Variants in PLEKHA3 observed in about 807,000 individuals in gnomAD.
PLEKHA3 encodes pleckstrin homology domain-containing family A member 3.
PLEKHA3 carries 19 observed loss-of-function variants against 39.2 expected under a neutral mutation model. The ratio of observed to expected loss-of-function variants is 0.48; its 90% confidence interval spans 0.34 to 0.71. The LOEUF (loss-of-function observed/expected upper bound fraction) is 0.71. PLEKHA3 is among the 30% of genes least tolerant of loss of function. PLEKHA3 has a pLI of 0.01. For synonymous variants in PLEKHA3, 97 were observed against 118.6 expected (o/e 0.82, Z 1.18); for missense variants, 253 against 359.5 (o/e 0.70, Z 2.40).
At chr2:178,492,274 T>A (rs1685359703) in intron 3 of PLEKHA3, among the ~76,000 whole-genome samples, 1 of 151,930 alleles carries the variant, frequency 6.6e-6, no homozygotes, top group Non-Finnish European at 1.5e-5. Flanking sequence ...TTACAGAATA[T>A]AGCTACAGGT....
rs1294904918 is a variant in PLEKHA3 at position 178,512,371 on chromosome 2, AAT to A, written c.*8489_*8490del. 6.6e-6 allele frequency: 1 copy of A among 152,240 alleles called. No homozygotes were observed. Among genetic ancestry groups the A allele is most frequent in the East Asian group, 1.9e-4 (1 of 5,200 alleles). 9.4% of individuals were successfully genotyped at this position (152,240 alleles called of 1,614,324 possible). On this transcript the variant is annotated 3_prime_UTR_variant, in exon 8 of 8. Transcript: ENST00000234453. ...TAAATGAAGGGTTGTTTCCATGGGT[AAT>A]ATATTCAGAATATTAAAGATGAGTA...
At position 178,496,891 on chromosome 2, in the gene PLEKHA3, T is replaced by TG. The variant is rs201070051; in HGVS notation, c.615+1239dup. ...TTTTTTAATTTATTATTTGTAGAGATGGGGGGGGTCTCATTTTGTTGCCCA... is the reference window on the plus strand; with the variant it reads ...TTTTTTAATTTATTATTTGTAGAGATGGGGGGGGGTCTCATTTTGTTGCCCA... On this transcript the variant is annotated intron_variant, in intron 5 of 7. Transcript: ENST00000234453. Among the ~76,000 whole-genome samples, 528 of 151,478 alleles carry TG rather than the reference T, an allele frequency of 3.5e-3. 1 individual carries two copies. The highest frequency in any genetic ancestry group is 0.022 in the East Asian group (112 of 5,128).
At position 178,503,950 on chromosome 2, in the gene PLEKHA3, T is replaced by C. The variant is rs191909928; in HGVS notation, c.*63T>C. 7,290 of 1,582,526 alleles carry C rather than the reference T, an allele frequency of 4.6e-3. 19 individuals are homozygous for C. Among genetic ancestry groups the C allele is most frequent in the Non-Finnish European group, 5.8e-3 (6,679 of 1,155,974 alleles). On this transcript the variant is annotated 3_prime_UTR_variant, in exon 8 of 8. Coordinates refer to ENST00000234453, the MANE Select transcript of PLEKHA3 (RefSeq NM_019091.4). ...TGCAAAAGCTGCTGTAATTAAACTA[T>C]TGTTATAGGGAGTAGTTTTTTCCCT...
Position 178,506,347 on chromosome 2 carries a change from C to T in PLEKHA3, c.*2460C>T, listed in dbSNP as rs1057078062. On this transcript the variant is annotated 3_prime_UTR_variant, in exon 8 of 8. Transcript: ENST00000234453. ...TGCTTGCTCACTATTCTTTGGGAAT[C>T]GCAGGCCTCCATGACTAAAGGGATT... 39 of 152,112 alleles carry T rather than the reference C, an allele frequency of 2.6e-4. No homozygotes were observed. Among genetic ancestry groups the T allele is most frequent in the African/African-American group, 7.2e-4 (30 of 41,408 alleles). 9.4% of individuals were successfully genotyped at this position (152,112 alleles called of 1,614,324 possible).
chr2:178,513,983 C>G lies in PLEKHA3; in HGVS notation c.*10096C>G, dbSNP rs972998095. 1.3e-5 allele frequency: 2 copies of G among 152,176 alleles called. No individual in the cohort carries two copies. Among genetic ancestry groups the G allele is most frequent in the African/African-American group, 4.8e-5 (2 of 41,432 alleles). 9.4% of individuals were successfully genotyped at this position (152,176 alleles called of 1,614,324 possible). ...GGGTTGCTGGGTTATCCAAGTGATT[C>G]AGCATGCCTTCAGAATTGGCATCCT... is the stretch of plus-strand genomic sequence containing the variant. On this transcript the variant is annotated 3_prime_UTR_variant, in exon 8 of 8. Coordinates refer to ENST00000234453, the MANE Select transcript of PLEKHA3 (RefSeq NM_019091.4).
Position 178,507,658 on chromosome 2 carries a change from G to GTTTTTTTTTTTTTTTTTTTTTTTTTTT in PLEKHA3, c.*3781_*3807dup, listed in dbSNP as rs35052196. The GTTTTTTTTTTTTTTTTTTTTTTTTTTT allele has an allele frequency of 3.5e-5, 1 of 28,818 alleles. No homozygotes were observed. The highest frequency in any genetic ancestry group is 7.7e-4 in the East Asian group (1 of 1,298). The allele number at this position is 28,818 out of a possible 1,614,324, so 1.8% of individuals were successfully genotyped here. On this transcript the variant is annotated 3_prime_UTR_variant, in exon 8 of 8. Transcript: ENST00000234453. ...CCTTTAGTTTTTAGTCTCACATTAG[G>GTTTTTTTTTTTTTTTTTTTTTTTTTTT]TTTTTTTTTTTTTTTTTTTTTTTTT... is the stretch of plus-strand genomic sequence containing the variant.
At position 178,514,580 on chromosome 2, in the gene PLEKHA3, A is replaced by G. The variant is rs994146605; in HGVS notation, c.*10693A>G. The G allele has an allele frequency of 6.6e-6, 1 of 152,156 alleles. No homozygotes were observed. The highest frequency in any genetic ancestry group is 2.4e-5 in the African/African-American group (1 of 41,434). The allele number at this position is 152,156 out of a possible 1,614,324, so 9.4% of individuals were successfully genotyped here. A position where few individuals can be genotyped will look rare whatever the true frequency, so the allele number is the denominator to read the frequency against. ...ATTTAGGCTAAGTGCATATGTATGT[A>G]TAAGTAATGTGTATATCCTTCACTT... On this transcript the variant is annotated 3_prime_UTR_variant, in exon 8 of 8. Transcript: ENST00000234453.
intron 5 of PLEKHA3, among the ~76,000 whole-genome samples, chr2:178,496,309 G>C (rs1210801255): frequency 1.3e-5 from 2 of 152,140 alleles, no homozygotes; most frequent in Non-Finnish European, 2.9e-5. Context: ...TAATAAATTT[G>C]CTCTAGCATG....
chr2:178,500,857 C>G (rs1333700442), intron 6 of PLEKHA3, among the ~76,000 whole-genome samples: 1 of 152,016 alleles, frequency 6.6e-6, no homozygotes, highest in Non-Finnish European at 1.5e-5. Flanking sequence ...TAGTTCAGCT[C>G]AGAAGCCATA....
At chr2:178,484,187 C>T (rs1685213851) in intron 1 of PLEKHA3, among the ~76,000 whole-genome samples, 1 of 152,084 alleles carries the variant, frequency 6.6e-6, no homozygotes, top group African/African-American at 2.4e-5. Context: ...TTTGGTACCT[C>T]TTATGTGCCA....
At position 178,513,340 on chromosome 2, in the gene PLEKHA3, A is replaced by G. The variant is rs1685714737; in HGVS notation, c.*9453A>G. On this transcript the variant is annotated 3_prime_UTR_variant, in exon 8 of 8. Coordinates refer to ENST00000234453, the MANE Select transcript of PLEKHA3 (RefSeq NM_019091.4). The stretch of plus-strand genomic sequence containing the variant: ...CATTTTTATGATGCATCTGGTACTA[A>G]AGAAGGAGCTGGCTTTATGACCTTT... 6.6e-6 allele frequency: 1 copy of G among 152,118 alleles called. No individual in the cohort carries two copies. The highest frequency in any genetic ancestry group is 2.1e-4 in the South Asian group (1 of 4,828). The allele number at this position is 152,118 out of a possible 1,614,324, so 9.4% of individuals were successfully genotyped here.
chr2:178,496,399 A>G (rs952602950), intron 5 of PLEKHA3, among the ~76,000 whole-genome samples: 4 of 152,210 alleles, frequency 2.6e-5, no homozygotes, highest in African/African-American at 7.2e-5. Flanking sequence ...GAGTCCATTT[A>G]TAGGAGTAAG....
chr2:178,493,954 C>T lies in PLEKHA3; in HGVS notation c.415C>T (p.His139Tyr). Reference sequence around the variant, plus strand: ...AGTTCATACAATACAGGAATTTGTTCACCATGATGAGAATCATTCATCTCC... The same window carrying T: ...AGTTCATACAATACAGGAATTTGTTTACCATGATGAGAATCATTCATCTCC... ...QQVHTIQEFVHHDENHSSPSA... is the reference protein window; with the variant it reads ...QQVHTIQEFVYHDENHSSPSA... The change falls in exon 4 of 8, where the codon CAC becomes TAC. Residue 139 changes from histidine (H) to tyrosine (Y), a missense_variant. Around this residue, in one of 2 missense-constraint regions of PLEKHA3, gnomAD observed 126 missense variants for 222.7 expected, o/e 0.57. Coordinates refer to ENST00000234453, the MANE Select transcript of PLEKHA3 (RefSeq NM_019091.4). The T allele has an allele frequency of 6.2e-7, 1 of 1,614,020 alleles. No homozygotes were observed. The highest frequency in any genetic ancestry group is 1.1e-5 in the South Asian group (1 of 91,028).
At position 178,485,692 on chromosome 2, in the gene PLEKHA3, A is replaced by T. The variant is rs1403541781; in HGVS notation, c.92A>T (p.Asp31Val). 1 of 1,613,908 alleles carries T rather than the reference A, an allele frequency of 6.2e-7. No individual in the cohort carries two copies. The highest frequency in any genetic ancestry group is 8.5e-7 in the Non-Finnish European group (1 of 1,179,916). Residue 31 changes from aspartate (D) to valine (V), a missense_variant, in exon 2 of 8, where the codon GAT becomes GTT. Coordinates refer to ENST00000234453, the MANE Select transcript of PLEKHA3 (RefSeq NM_019091.4). ...VLDNGILSYY[D>V]SQDDVCKGSK... ...GATAATGGAATCTTATCCTACTATG[A>T]TTCACAAGATGATGTTTGCAAAGGG...
rs932792993 is a variant in PLEKHA3, at chr2:178,509,155, T to C, written c.*5268T>C. On this transcript the variant is annotated 3_prime_UTR_variant, in exon 8 of 8. Transcript: ENST00000234453. ...TCGTCTGTGCTTTTTTGTGGATTAA[T>C]ACTATTTATATTCCTTTAATATCTT... 2 of 152,472 alleles carry C rather than the reference T, an allele frequency of 1.3e-5. No individual in the cohort carries two copies. The highest frequency in any genetic ancestry group is 2.9e-5 in the Non-Finnish European group (2 of 68,036). 9.4% of individuals were successfully genotyped at this position (152,472 alleles called of 1,614,324 possible). A position where few individuals can be genotyped will look rare whatever the true frequency, so the allele number is the denominator to read the frequency against.
At position 178,503,955 on chromosome 2, in the gene PLEKHA3, A is replaced by T. The variant is rs1161324314; in HGVS notation, c.*68A>T. On this transcript the variant is annotated 3_prime_UTR_variant, in exon 8 of 8. Coordinates refer to ENST00000234453, the MANE Select transcript of PLEKHA3 (RefSeq NM_019091.4). ...AAGCTGCTGTAATTAAACTATTGTT[A>T]TAGGGAGTAGTTTTTTCCCTTAGGA... 1 of 1,567,884 alleles carries T rather than the reference A, an allele frequency of 6.4e-7. No homozygotes were observed. Among genetic ancestry groups the T allele is most frequent in the East Asian group, 2.3e-5 (1 of 44,274 alleles).
In PLEKHA3 at chr2:178,507,752, T is replaced by A. The variant is rs535932297; in HGVS notation, c.*3865T>A. 5.0e-4 allele frequency: 74 copies of A among 148,964 alleles called. No homozygotes were observed. Among genetic ancestry groups the A allele is most frequent in the African/African-American group, 1.7e-3 (67 of 39,856 alleles). The allele number at this position is 148,964 out of a possible 1,614,324, so 9.2% of individuals were successfully genotyped here. ...AAAGGTGCATAGAAAGTAAAGATTT[T>A]AAGGCTTTACAGGTCTGAAAATGTC... On this transcript the variant is annotated 3_prime_UTR_variant, in exon 8 of 8. Transcript: ENST00000234453.
chr2:178,490,632 G>A (rs1422660041), intron 2 of PLEKHA3, 27 bp from the exon 3 acceptor site: 5 of 1,603,098 alleles, frequency 3.1e-6, no homozygotes, highest in Non-Finnish European at 3.4e-6. Flanking sequence ...GTCTATAACT[G>A]TATTTCCCCT....
rs1685765215 is a variant in PLEKHA3, at chr2:178,516,406, T to G, written c.*12519T>G. Reference sequence around the variant, plus strand: ...CTCTATATTTTTGTCATAAAAATTCTGCTTGTCGAAAATATTGTAGTAATT... The same window carrying G: ...CTCTATATTTTTGTCATAAAAATTCGGCTTGTCGAAAATATTGTAGTAATT... On this transcript the variant is annotated 3_prime_UTR_variant, in exon 8 of 8. Coordinates refer to ENST00000234453, the MANE Select transcript of PLEKHA3 (RefSeq NM_019091.4). The G allele has an allele frequency of 6.6e-6, 1 of 152,324 alleles. No individual in the cohort carries two copies. Among genetic ancestry groups the G allele is most frequent in the East Asian group, 1.9e-4 (1 of 5,184 alleles). The allele number at this position is 152,324 out of a possible 1,614,324, so 9.4% of individuals were successfully genotyped here.
Sources: gnomAD v4.1 joint callset for allele counts (sites outside exome capture counted in the v4.1 genomes callset) on GRCh38, gnomAD v4.1.1 for gene constraint, gnomAD v4.1.1 regional missense constraint, MANE v1.5 for transcripts, NCBI Gene and HGNC (gene_info 2026-07-23, HGNC 2026-07-21) for gene names.